The following ARHGAP15 variants were observed in gnomAD, a reference collection of about 807,000 sequenced individuals.
ARHGAP15 encodes Rho GTPase activating protein 15, also known as rho GTPase-activating protein 15.
Under a neutral mutation model 63.7 loss-of-function variants are expected in ARHGAP15, and 51 were observed. The observed-to-expected ratio is 0.80, with a 90% confidence interval of 0.64 to 1.01. The LOEUF is 1.01. Ranked by LOEUF, ARHGAP15 falls within the 50% of genes least tolerant of loss-of-function variation. ARHGAP15 has a pLI of 0.00. For synonymous variants in ARHGAP15, 191 were observed against 193.8 expected (o/e 0.99, Z 0.12); for missense variants, 560 against 564.6 (o/e 0.99, Z 0.08).
chr2:143,214,202 T>C (rs1692664652), intron 3 of ARHGAP15, among the ~76,000 whole-genome samples: 1 of 152,190 alleles, frequency 6.6e-6, no homozygotes, highest in African/African-American at 2.4e-5. Flanking sequence ...ATTTTTATGA[T>C]GGGTTGATAG....
At chr2:143,652,287 C>T (rs569683663) in intron 12 of ARHGAP15, among the ~76,000 whole-genome samples, 37 of 152,148 alleles carry the variant, frequency 2.4e-4, no homozygotes, top group African/African-American at 8.7e-4. Context: ...CAGTTCTACA[C>T]TTGCAGTGCA....
At chr2:143,462,887 A>G (rs571254106) in intron 8 of ARHGAP15, among the ~76,000 whole-genome samples, 10 of 152,032 alleles carry the variant, frequency 6.6e-5, no homozygotes, top group African/African-American at 2.4e-4. Flanking sequence ...AGAAACAGTT[A>G]GAAAGGGAAG....
intron 13 of ARHGAP15, among the ~76,000 whole-genome samples, chr2:143,721,309 A>G (rs1685048350): frequency 6.6e-6 from 1 of 152,202 alleles, no homozygotes; most frequent in South Asian, 2.1e-4. Flanking sequence ...TCAGGTTTGC[A>G]TCATTTGTCC....
At chr2:143,294,200 A>G (rs1274401277) in intron 6 of ARHGAP15, among the ~76,000 whole-genome samples, 6 of 152,100 alleles carry the variant, frequency 3.9e-5, no homozygotes, top group African/African-American at 1.4e-4. Context: ...GGTTTGAACC[A>G]CCAACCTATT....
intron 11 of ARHGAP15, among the ~76,000 whole-genome samples, chr2:143,620,998 G>T (rs192970111): frequency 6.6e-6 from 1 of 152,304 alleles, no homozygotes; most frequent in Non-Finnish European, 1.5e-5. Flanking sequence ...GGTAGACTTC[G>T]TAAATCTTTG....
At chr2:143,518,503 C>T (rs1385436913) in intron 9 of ARHGAP15, among the ~76,000 whole-genome samples, 2 of 152,220 alleles carry the variant, frequency 1.3e-5, no homozygotes, top group Non-Finnish European at 2.9e-5. Flanking sequence ...ATTCACAGCA[C>T]ACATTGGCAT....
chr2:143,129,997 GA>G (rs757869742), intron 1 of ARHGAP15, among the ~76,000 whole-genome samples: 66 of 152,114 alleles, frequency 4.3e-4, no homozygotes, highest in Non-Finnish European at 2.9e-4. Context: ...AAATGTAAAG[GA>G]ATACTGTCTA....
intron 6 of ARHGAP15, among the ~76,000 whole-genome samples, chr2:143,377,632 A>G (rs568755610): frequency 2.8e-4 from 42 of 152,114 alleles, no homozygotes; most frequent in Non-Finnish European, 5.2e-4. Flanking sequence ...TTTAATTTCT[A>G]TGAAGTTTAT....
In ARHGAP15 at chr2:143,716,767, T is replaced by C. The variant is rs146161459; in HGVS notation, c.1244+13243T>C. Among the ~76,000 whole-genome samples the C allele has an allele frequency of 2.1e-3, 319 of 152,336 alleles. 3 individuals are homozygous for C. The highest frequency in any genetic ancestry group is 7.3e-3 in the African/African-American group (305 of 41,576). On this transcript the variant is annotated intron_variant, in intron 13 of 13. Coordinates refer to ENST00000295095, the MANE Select transcript of ARHGAP15 (RefSeq NM_018460.4). ...GATTGTGTTTCCAGGGAAGAAGGAA[T>C]GGTAAAACAAAGAGTGAGAAAGCTG...
At chr2:143,648,460 T>C (rs1203565391) in intron 12 of ARHGAP15, among the ~76,000 whole-genome samples, 1 of 152,044 alleles carries the variant, frequency 6.6e-6, no homozygotes, top group African/African-American at 2.4e-5. Context: ...AAGAGCCATT[T>C]GTTCCTCTTC....
Position 143,543,056 on chromosome 2 carries a change from A to G in ARHGAP15, c.926-13352A>G, listed in dbSNP as rs1283719789. On this transcript the variant is annotated intron_variant, in intron 10 of 13. Coordinates refer to ENST00000295095, the MANE Select transcript of ARHGAP15 (RefSeq NM_018460.4). ...CTGATTTTATTTCCTTTGGATATATACCCAGTGGTGGGATTGCTGGATCAT... is the reference window on the plus strand; with the variant it reads ...CTGATTTTATTTCCTTTGGATATATGCCCAGTGGTGGGATTGCTGGATCAT... 4.0e-5 allele frequency among the ~76,000 whole-genome samples: 6 copies of G among 151,754 alleles called. 1 individual carries two copies. Among genetic ancestry groups the G allele is most frequent in the Admixed American group, 3.9e-4 (6 of 15,240 alleles).
chr2:143,591,429 A>G (rs879606452), intron 11 of ARHGAP15, among the ~76,000 whole-genome samples: 8 of 152,154 alleles, frequency 5.3e-5, no homozygotes, highest in Non-Finnish European at 1.2e-4. Flanking sequence ...CATGCTGTGC[A>G]AAAGTGGCAC....
chr2:143,449,799 C>T (rs1335928504), intron 8 of ARHGAP15, among the ~76,000 whole-genome samples: 1 of 151,856 alleles, frequency 6.6e-6, no homozygotes, highest in Non-Finnish European at 1.5e-5. Flanking sequence ...GAAATAAAAC[C>T]TCATTTTTTT....
intron 11 of ARHGAP15, among the ~76,000 whole-genome samples, chr2:143,575,810 C>G (rs909753775): frequency 6.6e-6 from 1 of 152,118 alleles, no homozygotes; most frequent in South Asian, 2.1e-4. Context: ...TATTTCACAG[C>G]AACCCATATT....
intron 12 of ARHGAP15, among the ~76,000 whole-genome samples, chr2:143,670,213 G>C (rs1302433908): frequency 1.3e-5 from 2 of 152,068 alleles, no homozygotes; most frequent in Non-Finnish European, 2.9e-5. Flanking sequence ...CCACATTTCA[G>C]CCACCTTTAT....
intron 8 of ARHGAP15, among the ~76,000 whole-genome samples, chr2:143,451,531 AT>A (rs1178094528): frequency 4.0e-5 from 6 of 151,894 alleles, no homozygotes; most frequent in East Asian, 1.9e-4. Context: ...GAATTTCTGT[AT>A]TTTTTTCTAT....
chr2:143,439,602 C>A (rs1314464161), intron 8 of ARHGAP15, among the ~76,000 whole-genome samples: 1 of 151,194 alleles, frequency 6.6e-6, no homozygotes, highest in South Asian at 2.1e-4. Flanking sequence ...TGTCTTATAG[C>A]AATACATTTA....
intron 6 of ARHGAP15, among the ~76,000 whole-genome samples, chr2:143,261,055 C>T (rs572451747): frequency 6.6e-6 from 1 of 152,100 alleles, no homozygotes; most frequent in African/African-American, 2.4e-5. Context: ...AGATAGTAAA[C>T]CTTGTAGCTA....
chr2:143,427,662 C>T (rs867039223), intron 6 of ARHGAP15, among the ~76,000 whole-genome samples: 1 of 151,982 alleles, frequency 6.6e-6, no homozygotes, highest in African/African-American at 2.4e-5. Flanking sequence ...TTGTGCTTCC[C>T]AGCCCTTCCA....
Sources: allele counts gnomAD v4.1 joint callset (sites outside exome capture counted in the v4.1 genomes callset), GRCh38; gene constraint gnomAD v4.1.1; transcripts MANE v1.5; gene names NCBI Gene and HGNC (gene_info 2026-07-23, HGNC 2026-07-21).